The following CNTN6 variants were observed in gnomAD, a reference collection of about 807,000 sequenced individuals.
CNTN6 encodes contactin-6.
Under a neutral mutation model 122.8 loss-of-function variants are expected in CNTN6, and 137 were observed. The observed-to-expected ratio is 1.12, with a 90% CI of 0.97 to 1.29. The LOEUF (loss-of-function observed/expected upper bound fraction) is 1.29, where lower values mean the gene tolerates loss of function less well. Among genes scored for constraint, CNTN6 ranks in the 50% most tolerant of loss-of-function variants. The probability of loss-of-function intolerance (pLI) is 0.00; values close to 1 mark genes in which losing one functional copy is unlikely to be tolerated. For synonymous variants in CNTN6, 570 were observed against 426.0 expected, an observed-to-expected ratio of 1.34 and a Z score of -4.16; for missense variants, 1,634 against 1,223.4, an observed-to-expected ratio of 1.34 and a Z score of -5.01.
chr3:1,122,999 T>A (rs1434330733), intron 1 of CNTN6, among the ~76,000 whole-genome samples: 1 of 151,898 alleles, frequency 6.6e-6, no homozygotes, highest in African/African-American at 2.4e-5. Flanking sequence ...TGTGGAGTTT[T>A]TTGGAAACCA....
intron 4 of CNTN6, among the ~76,000 whole-genome samples, chr3:1,259,966 G>C (rs1244068500): frequency 6.6e-6 from 1 of 152,040 alleles, no homozygotes; most frequent in Non-Finnish European, 1.5e-5. Context: ...CTTTGAATTT[G>C]GATCAAAATT....
rs774278447 is a variant in CNTN6, at chr3:1,321,656, C to A, written c.768C>A (p.Val256=). ...ATGAGGTGTAACTGTTTAGTCCAGT[C>A]CCCGATATTAGTTGGAGAAGGTTGG... The part of the protein sequence containing the change: ...KLECFALGNP[V]PDISWRRLDG... Residue 256 remains valine, a synonymous_variant, in exon 8 of 23, where the codon GTC becomes GTA. Transcript: ENST00000446702. The A allele has an allele frequency of 1.2e-6, 2 of 1,610,500 alleles. No homozygotes were observed. Among genetic ancestry groups the A allele is most frequent in the Non-Finnish European group, 1.7e-6 (2 of 1,177,930 alleles).
intron 2 of CNTN6, among the ~76,000 whole-genome samples, chr3:1,196,939 C>T (rs2093786548): frequency 6.6e-6 from 1 of 152,102 alleles, no homozygotes; most frequent in African/African-American, 2.4e-5. Flanking sequence ...TGATCAATAG[C>T]TGTGGGAGAA....
At chr3:1,269,641 C>T (rs1299713344) in intron 4 of CNTN6, among the ~76,000 whole-genome samples, 1 of 152,174 alleles carries the variant, frequency 6.6e-6, no homozygotes, top group Non-Finnish European at 1.5e-5. Context: ...TCCAGTCTGA[C>T]ATGTATATTA....
At chr3:1,274,398 A>G (rs1691935099) in intron 4 of CNTN6, among the ~76,000 whole-genome samples, 1 of 152,212 alleles carries the variant, frequency 6.6e-6, no homozygotes, top group Admixed American at 6.5e-5. Context: ...AAATTAGTAT[A>G]AAGCTAATGA....
At chr3:1,368,118 T>C (rs566855523) in intron 12 of CNTN6, among the ~76,000 whole-genome samples, 2 of 152,326 alleles carry the variant, frequency 1.3e-5, no homozygotes, top group African/African-American at 2.4e-5. Context: ...GATAAGAACA[T>C]TATTTTTATA....
At chr3:1,175,546 T>C (rs1559457948) in intron 2 of CNTN6, among the ~76,000 whole-genome samples, 1 of 152,008 alleles carries the variant, frequency 6.6e-6, no homozygotes, top group Non-Finnish European at 1.5e-5. Context: ...TATAGGACTT[T>C]GTAGGTCCTT....
At chr3:1,177,703 C>T (rs1575131091) in intron 2 of CNTN6, among the ~76,000 whole-genome samples, 1 of 152,102 alleles carries the variant, frequency 6.6e-6, no homozygotes, top group Non-Finnish European at 1.5e-5. Context: ...ACTTTAAAGA[C>T]ATCACTATGT....
rs146098319 is a variant in CNTN6 at position 1,374,020 on chromosome 3, T to C, written c.2042T>C (p.Ile681Thr). 1.9e-6 allele frequency: 3 copies of C among 1,613,170 alleles called. No individual in the cohort carries two copies. The highest frequency in any genetic ancestry group is 2.5e-6 in the Non-Finnish European group (3 of 1,179,328). Residue 681 changes from isoleucine to threonine, a missense_variant, in exon 16 of 23, where the codon ATT becomes ACT. Transcript: ENST00000446702. ...TTTCGTGTTGTTGCCGGCAACAGCATTGGGATTGGAGAACCAAGTGAACCA... is the reference window on the plus strand; with the variant it reads ...TTTCGTGTTGTTGCCGGCAACAGCACTGGGATTGGAGAACCAAGTGAACCA... ...YEFRVVAGNSIGIGEPSEPSE... is the reference protein window; with the variant it reads ...YEFRVVAGNSTGIGEPSEPSE...
At chr3:1,149,557 A>G (rs983699134) in intron 2 of CNTN6, among the ~76,000 whole-genome samples, 2 of 152,134 alleles carry the variant, frequency 1.3e-5, no homozygotes, top group African/African-American at 2.4e-5. Context: ...AATAAAAGCA[A>G]TTTTACCACT....
rs547675312 is a variant in CNTN6 at position 1,108,959 on chromosome 3, A to G, written c.-83+15839A>G. Among the ~76,000 whole-genome samples, 28 of 152,178 alleles carry G rather than the reference A, an allele frequency of 1.8e-4. No homozygotes were observed. The South Asian group carries it at 5.6e-3, about 30-fold the overall frequency. On this transcript the variant is annotated intron_variant, in intron 1 of 22. Coordinates refer to ENST00000446702, the MANE Select transcript of CNTN6 (RefSeq NM_001289080.2). The stretch of plus-strand genomic sequence containing the variant: ...TAGAATTACCATTTAAAATATTTAA[A>G]GCAATTGTAGTAAAGTAAGTCAAAA...
At chr3:1,190,100 T>G (rs528872301) in intron 2 of CNTN6, among the ~76,000 whole-genome samples, 7 of 152,282 alleles carry the variant, frequency 4.6e-5, no homozygotes, top group Admixed American at 3.9e-4. Context: ...TCTCATTGAT[T>G]TGCAGACGGC....
chr3:1,201,412 G>T (rs2093870646), intron 2 of CNTN6, among the ~76,000 whole-genome samples: 1 of 152,060 alleles, frequency 6.6e-6, no homozygotes, highest in East Asian at 1.9e-4. Context: ...TTCTCATGGA[G>T]TTTTGTTGAG....
chr3:1,286,947 A>G (rs1408290649), intron 5 of CNTN6, among the ~76,000 whole-genome samples: 5 of 152,184 alleles, frequency 3.3e-5, no homozygotes, highest in Non-Finnish European at 5.9e-5. Flanking sequence ...CAGACTTTAA[A>G]CCAACAAAGA....
intron 2 of CNTN6, among the ~76,000 whole-genome samples, chr3:1,177,256 GGTTT>G (rs1282867670): frequency 2.6e-5 from 4 of 152,080 alleles, no homozygotes; most frequent in Non-Finnish European, 5.9e-5. Context: ...AATTTTGGGG[GGTTT>G]GTTGAATAAA....
At chr3:1,340,328 ACT>A (rs1703702626) in intron 11 of CNTN6, among the ~76,000 whole-genome samples, 1 of 152,050 alleles carries the variant, frequency 6.6e-6, no homozygotes, top group South Asian at 2.1e-4. Flanking sequence ...GCAAGGTAAA[ACT>A]CTATCTTTAT....
At chr3:1,402,054 A>G (rs1695777098) in intron 21 of CNTN6, among the ~76,000 whole-genome samples, 1 of 152,004 alleles carries the variant, frequency 6.6e-6, no homozygotes, top group African/African-American at 2.4e-5. Context: ...TTTCCACAGC[A>G]AGCTCCAATG....
rs774153437 is a variant in CNTN6 at position 1,376,111 on chromosome 3, G to A, written c.2096-894G>A. ...ATTCCACATTTAAAAAGTATACCCTGCTGATTTAGCGATTATCACAGATTT... is the reference window on the plus strand; with the variant it reads ...ATTCCACATTTAAAAAGTATACCCTACTGATTTAGCGATTATCACAGATTT... On this transcript the variant is annotated intron_variant, in intron 16 of 22. Transcript: ENST00000446702. 7.9e-5 allele frequency among the ~76,000 whole-genome samples: 12 copies of A among 152,146 alleles called. No homozygotes were observed. The South Asian group carries it at 2.1e-3, about 26-fold the overall frequency.
At chr3:1,291,129 T>A (rs1160712097) in intron 5 of CNTN6, among the ~76,000 whole-genome samples, 1 of 152,216 alleles carries the variant, frequency 6.6e-6, no homozygotes, top group East Asian at 1.9e-4. Flanking sequence ...TCCTCCCACA[T>A]GTTATGAATA....
Sources: gnomAD v4.1 joint callset for allele counts (sites outside exome capture counted in the v4.1 genomes callset) on GRCh38, gnomAD v4.1.1 for gene constraint, MANE v1.5 for transcripts, NCBI Gene and HGNC (gene_info 2026-07-23, HGNC 2026-07-21) for gene names.